GPRC5A: variants seen among roughly 807,000 people sequenced by gnomAD.
GPRC5A encodes retinoic acid-induced protein 3.
Under a neutral mutation model 22.5 loss-of-function variants are expected in GPRC5A, and 19 were observed. The observed-to-expected ratio is 0.85, with a 90% CI of 0.59 to 1.24. The LOEUF (loss-of-function observed/expected upper bound fraction) is 1.24, where lower values mean the gene tolerates loss of function less well. Ranked by LOEUF, GPRC5A falls within the 50% of genes most tolerant of loss-of-function variation. GPRC5A has a pLI of 0.00. For missense variants in GPRC5A, 471 were observed against 451.1 expected, an observed-to-expected ratio of 1.04 and a Z score of -0.40; for synonymous variants, 192 against 184.5, an observed-to-expected ratio of 1.04 and a Z score of -0.33.
In GPRC5A at chr12:12,894,247, A is replaced by T. The variant is rs539314879; in HGVS notation, c.-8+2583A>T. On this transcript the variant is annotated intron_variant, in intron 1 of 3. Transcript: ENST00000014914. ...ATTAGTAATGGAGATCTAATAAGATATGAAGATAGAGAATATTTCTATTTA... is the reference window on the plus strand; with the variant it reads ...ATTAGTAATGGAGATCTAATAAGATTTGAAGATAGAGAATATTTCTATTTA... 3.8e-3 allele frequency among the ~76,000 whole-genome samples: 584 copies of T among 152,362 alleles called. 4 individuals carry two copies. Among genetic ancestry groups the T allele is most frequent in the Non-Finnish European group, 6.7e-3 (457 of 68,036 alleles).
intron 1 of GPRC5A, among the ~76,000 whole-genome samples, chr12:12,904,945 G>T (rs1422698781): frequency 6.7e-6 from 1 of 148,614 alleles, no homozygotes; most frequent in Admixed American, 6.8e-5. Flanking sequence ...GAGTGCAGTG[G>T]CATGATCCCC....
At chr12:12,897,977 C>T (rs965962542) in intron 1 of GPRC5A, among the ~76,000 whole-genome samples, 3 of 152,124 alleles carry the variant, frequency 2.0e-5, no homozygotes, top group Middle Eastern at 3.2e-3. Context: ...ATGGTTCTGT[C>T]CTTGGCTTCC....
At chr12:12,905,198 C>T (rs577047929) in intron 1 of GPRC5A, among the ~76,000 whole-genome samples, 3 of 152,166 alleles carry the variant, frequency 2.0e-5, no homozygotes, top group South Asian at 2.1e-4. Context: ...TTGTTTTTTC[C>T]GAGCTGTTTT....
intron 1 of GPRC5A, among the ~76,000 whole-genome samples, chr12:12,900,644 T>C (rs551600965): frequency 3.0e-4 from 46 of 152,142 alleles, no homozygotes; most frequent in African/African-American, 1.1e-3. Context: ...ACGCCTGTAA[T>C]CCCAGCACTT....
intron 1 of GPRC5A, among the ~76,000 whole-genome samples, chr12:12,899,597 T>TGG (rs1294765551): frequency 2.0e-5 from 3 of 152,190 alleles, no homozygotes; most frequent in Non-Finnish European, 4.4e-5. Flanking sequence ...AATGAGGTAA[T>TGG]GGATGTAAAA....
chr12:12,913,819 T>C lies in GPRC5A; in HGVS notation c.*1280T>C, dbSNP rs1214236721. The stretch of plus-strand genomic sequence containing the variant: ...AAAACAAGTGTGTTTCCCCTCATTT[T>C]TGAGGCTGTCAATGGTGTGAGAGCC... On this transcript the variant is annotated 3_prime_UTR_variant, in exon 4 of 4. Coordinates refer to ENST00000014914, the MANE Select transcript of GPRC5A (RefSeq NM_003979.4). 2 of 152,222 alleles carry C rather than the reference T, an allele frequency of 1.3e-5. No homozygotes were observed. Among genetic ancestry groups the C allele is most frequent in the Non-Finnish European group, 2.9e-5 (2 of 68,046 alleles). The allele number at this position is 152,222 out of a possible 1,614,324, so 9.4% of individuals were successfully genotyped here. A position where few individuals can be genotyped will look rare whatever the true frequency, so the allele number is the denominator to read the frequency against.
rs963886102 is a variant in GPRC5A, at chr12:12,913,426, C to T, written c.*887C>T. On this transcript the variant is annotated 3_prime_UTR_variant, in exon 4 of 4. Coordinates refer to ENST00000014914, the MANE Select transcript of GPRC5A (RefSeq NM_003979.4). ...TCTTTCAGACCTCACTAGCACAAGC[C>T]CGGTTGCTCCTTGTCAGGAGAATTT... 6.6e-6 allele frequency: 1 copy of T among 152,316 alleles called. No homozygotes were observed. Among genetic ancestry groups the T allele is most frequent in the African/African-American group, 2.4e-5 (1 of 41,446 alleles). The allele number at this position is 152,316 out of a possible 1,614,324, so 9.4% of individuals were successfully genotyped here. A position where few individuals can be genotyped will look rare whatever the true frequency, so the allele number is the denominator to read the frequency against.
intron 1 of GPRC5A, among the ~76,000 whole-genome samples, chr12:12,900,108 T>C (rs937521621): frequency 2.6e-5 from 4 of 152,228 alleles, no homozygotes; most frequent in African/African-American, 7.2e-5. Context: ...GTCAAGGCCA[T>C]GTCTAGGGTC....
Position 12,899,818 on chromosome 12 carries a change from C to G in GPRC5A, c.-8+8154C>G, listed in dbSNP as rs190243348. ...ACACATTTTCAGGGCTGGGCTGGCG[C>G]GAAGACACATTTTGACAGAATGAGA... On this transcript the variant is annotated intron_variant, in intron 1 of 3. Coordinates refer to ENST00000014914, the MANE Select transcript of GPRC5A (RefSeq NM_003979.4). Among the ~76,000 whole-genome samples the G allele has an allele frequency of 3.2e-3, 491 of 152,186 alleles. 3 individuals are homozygous for G. The highest frequency in any genetic ancestry group is 0.02 in the South Asian group (97 of 4,806).
At chr12:12,911,598 C>T (rs575987006) in intron 2 of GPRC5A, among the ~76,000 whole-genome samples, 11 of 152,084 alleles carry the variant, frequency 7.2e-5, no homozygotes, top group East Asian at 5.8e-4. Context: ...ACACCATTCT[C>T]CTGCCTCAGC....
At chr12:12,897,772 T>G (rs957034545) in intron 1 of GPRC5A, among the ~76,000 whole-genome samples, 4 of 151,760 alleles carry the variant, frequency 2.6e-5, no homozygotes, top group Admixed American at 1.3e-4. Context: ...CCATGCCTGG[T>G]TCATTTTTGT....
intron 1 of GPRC5A, among the ~76,000 whole-genome samples, chr12:12,898,254 C>T (rs1341611710): frequency 2.0e-5 from 3 of 152,138 alleles, no homozygotes; most frequent in Non-Finnish European, 4.4e-5. Flanking sequence ...CATATATGGC[C>T]AGGAGCAGTG....
chr12:12,900,435 C>G (rs917414896), intron 1 of GPRC5A, among the ~76,000 whole-genome samples: 2 of 152,178 alleles, frequency 1.3e-5, no homozygotes, highest in African/African-American at 4.8e-5. Flanking sequence ...AAGTGACTTA[C>G]TTGTTCACAC....
intron 3 of GPRC5A, 112 bp downstream of exon 3, chr12:12,912,254 G>T (rs576050600): frequency 7.0e-4 from 635 of 909,180 alleles, no homozygotes; most frequent in Admixed American, 1.0e-3. Context: ...GCCACTTGAA[G>T]GAATGATGGG....
rs1864041046 is a variant in GPRC5A, at chr12:12,914,580, CTTTCTTTCTT to C, written c.*2043_*2052del. ...TCTTTCTTTCTTTCTTTCTTTCTTT[CTTTCTTTCTT>C]TCTTTCTCTCTCTCTCTCTCTCTCT... On this transcript the variant is annotated 3_prime_UTR_variant, in exon 4 of 4. Coordinates refer to ENST00000014914, the MANE Select transcript of GPRC5A (RefSeq NM_003979.4). 3 of 87,828 alleles carry C rather than the reference CTTTCTTTCTT, an allele frequency of 3.4e-5. No individual in the cohort carries two copies. Among genetic ancestry groups the C allele is most frequent in the African/African-American group, 1.4e-4 (2 of 14,778 alleles). The allele number at this position is 87,828 out of a possible 1,614,324, so 5.4% of individuals were successfully genotyped here.
At position 12,917,255 on chromosome 12, in the gene GPRC5A, T is replaced by TGC. The variant is rs1565467217; in HGVS notation, c.*4718_*4719dup. On this transcript the variant is annotated 3_prime_UTR_variant, in exon 4 of 4. Coordinates refer to ENST00000014914, the MANE Select transcript of GPRC5A (RefSeq NM_003979.4). ...GTGTGTGTGTGTGTGTGTGTGTGCG[T>TGC]GCGTGCGTGTATGTGCGCCTGACCC... 1 of 44,556 alleles carries TGC rather than the reference T, an allele frequency of 2.2e-5. No individual in the cohort carries two copies. Among genetic ancestry groups the TGC allele is most frequent in the African/African-American group, 8.9e-5 (1 of 11,264 alleles). 2.8% of individuals were successfully genotyped at this position (44,556 alleles called of 1,614,324 possible). A position where few individuals can be genotyped will look rare whatever the true frequency, so the allele number is the denominator to read the frequency against.
rs1274501458 is a variant in GPRC5A at position 12,912,740 on chromosome 12, G to T, written c.*201G>T. On this transcript the variant is annotated 3_prime_UTR_variant, in exon 4 of 4. Coordinates refer to ENST00000014914, the MANE Select transcript of GPRC5A (RefSeq NM_003979.4). ...TAAGACTCCAGTTCTTAGAGGCGCT[G>T]TAGTATTTTTTTTTTTTTGTCTCAT... The T allele has an allele frequency of 2.1e-6, 1 of 485,412 alleles. No individual in the cohort carries two copies. The highest frequency in any genetic ancestry group is 3.6e-6 in the Non-Finnish European group (1 of 280,828). The allele number at this position is 485,412 out of a possible 1,614,324, so 30.1% of individuals were successfully genotyped here.
chr12:12,906,668 C>T (rs562077787), intron 1 of GPRC5A, among the ~76,000 whole-genome samples: 6 of 152,326 alleles, frequency 3.9e-5, no homozygotes, highest in African/African-American at 7.2e-5. Flanking sequence ...CCATCCAGGA[C>T]GTTCCTCTTT....
At chr12:12,895,373 T>C (rs1199041740) in intron 1 of GPRC5A, among the ~76,000 whole-genome samples, 1 of 118,468 alleles carries the variant, frequency 8.4e-6, no homozygotes, top group Admixed American at 9.1e-5. Context: ...TATAGTTTAG[T>C]CTTTTTTTTT....
Sources: allele counts gnomAD v4.1 joint callset (sites outside exome capture counted in the v4.1 genomes callset), GRCh38; gene constraint gnomAD v4.1.1; transcripts MANE v1.5; gene names NCBI Gene and HGNC (gene_info 2026-07-23, HGNC 2026-07-21).